The following VASP variants were observed in gnomAD, a reference collection of about 807,000 sequenced individuals.
VASP encodes the protein vasodilator-stimulated phosphoprotein.
In VASP, 27 loss-of-function variants were observed where a neutral mutation model predicts 54.4. The observed-to-expected ratio is 0.50, with a 90% CI of 0.37 to 0.68. VASP has a LOEUF of 0.68. VASP is among the 30% of genes least tolerant of loss of function. The probability of loss-of-function intolerance (pLI) is 0.00; values close to 1 mark genes in which losing one functional copy is unlikely to be tolerated. For missense variants in VASP, 488 were observed against 528.3 expected, an observed-to-expected ratio of 0.92 and a Z score of 0.75; for synonymous variants, 233 against 209.8, an observed-to-expected ratio of 1.11 and a Z score of -0.96.
chr19:45,510,632 G>C (rs1968582542), intron 1 of VASP, among the ~76,000 whole-genome samples: 1 of 152,098 alleles, frequency 6.6e-6, no homozygotes, highest in African/African-American at 2.4e-5. Flanking sequence ...TAGGCAAGGT[G>C]CCTATTAAAC....
At chr19:45,513,246 G>A (rs1434073980) in intron 1 of VASP, among the ~76,000 whole-genome samples, 1 of 106,854 alleles carries the variant, frequency 9.4e-6, no homozygotes, top group African/African-American at 3.8e-5. Flanking sequence ...CTTTTTTTGT[G>A]AGGGAGTCTT....
intron 1 of VASP, among the ~76,000 whole-genome samples, chr19:45,514,345 CAAG>C (rs752760673): frequency 2.2e-3 from 330 of 152,152 alleles, no homozygotes; most frequent in African/African-American, 7.7e-3. Flanking sequence ...CTGGAGCCTT[CAAG>C]AAGAAGAAGA....
rs753878246 is a variant in VASP, at chr19:45,507,683, C to G, written c.-89C>G. On this transcript the variant is annotated 5_prime_UTR_variant, in exon 1 of 13. Transcript: ENST00000245932. The surrounding 1 kb of genome is among the most constrained non-coding windows in gnomAD (Gnocchi z 4.4). ...ACCCTGGGGGAGCCTGAGCCGAGCC[C>G]GGAGCCAGCCCCGAACCCCTGAACC... The G allele has an allele frequency of 3.1e-4, 465 of 1,490,008 alleles. 4 individuals are homozygous for G. The Middle Eastern group carries it at 6.9e-3, about 22-fold the overall frequency. The allele number at this position is 1,490,008 out of a possible 1,614,324, so 92.3% of individuals were successfully genotyped here.
chr19:45,522,176 C>A lies in VASP; in HGVS notation c.437C>A (p.Pro146His). The change falls in exon 5 of 13, where the codon CCC becomes CAC. Residue 146 changes from proline to histidine, a missense_variant. Pro to His is a moderately conservative substitution (Grantham distance 77). Around this residue, in one of 4 missense-constraint regions of VASP, gnomAD observed 226 missense variants for 196.0 expected, o/e 1.15. Transcript: ENST00000245932. The part of the protein sequence containing the change: ...EEVEQQKRQQ[P>H]GPSEHIERRV... The stretch of plus-strand genomic sequence containing the variant: ...CTCGCCTCCCCCCACAGGCAGCAGC[C>A]CGGCCCGTCGGAGCACATAGAGCGC... 1 of 1,613,982 alleles carries A rather than the reference C, an allele frequency of 6.2e-7. No individual in the cohort carries two copies. Among genetic ancestry groups the A allele is most frequent in the East Asian group, 2.2e-5 (1 of 44,884 alleles).
chr19:45,514,360 A>G (rs1968659712), intron 1 of VASP, among the ~76,000 whole-genome samples: 1 of 151,366 alleles, frequency 6.6e-6, no homozygotes, highest in Non-Finnish European at 1.5e-5. Flanking sequence ...AGAAGAAGAG[A>G]CATCCCACCT....
rs752480253 is a variant in VASP at position 45,522,413 on chromosome 19, A to T, written c.552A>T (p.Pro184=). The stretch of plus-strand genomic sequence containing the variant: ...CTCCCCCTCCTCCAGGTCCCCCCCC[A>T]CCCCCAGGTTTGCCCCCTTCGGGGG... ...PGPPPPPGPP[P]PPGLPPSGVP... is the part of the protein sequence containing the mutation. Residue 184 remains proline (P), a synonymous_variant, in exon 6 of 13, where the codon CCA becomes CCT. Transcript: ENST00000245932. 8.3e-6 allele frequency: 11 copies of T among 1,324,292 alleles called. No homozygotes were observed. In the African/African-American group the frequency reaches 1.6e-4, roughly 19 times the overall value. 82.0% of individuals were successfully genotyped at this position (1,324,292 alleles called of 1,614,324 possible).
intron 3 of VASP, 57 bp downstream of exon 3, chr19:45,518,151 T>C: frequency 6.3e-7 from 1 of 1,575,370 alleles, no homozygotes; most frequent in Non-Finnish European, 8.6e-7. Flanking sequence ...GGCCTGGGGC[T>C]GCCGCTTTAC....
At chr19:45,512,069 G>C (rs1209864897) in intron 1 of VASP, among the ~76,000 whole-genome samples, 1 of 152,110 alleles carries the variant, frequency 6.6e-6, no homozygotes, top group Non-Finnish European at 1.5e-5. Flanking sequence ...AGAATTGCTT[G>C]AACCTGGGAG....
intron 1 of VASP, among the ~76,000 whole-genome samples, chr19:45,508,478 A>G (rs1451735464): frequency 1.3e-5 from 2 of 152,134 alleles, no homozygotes; most frequent in East Asian, 1.9e-4. Context: ...CGCTCGGAGC[A>G]GAGGGCGGCT....
Position 45,522,481 on chromosome 19 carries a change from C to T in VASP, c.620C>T (p.Ala207Val). Residue 207 changes from alanine (A) to valine (V), a missense_variant, in exon 6 of 13, where the codon GCA (alanine) becomes GTA (valine). Transcript: ENST00000245932. ...GGAGCAGGGGGAGGACCACCCCCTG[C>T]ACCCCCTCTCCCGGCAGCACAGGGC... ...AHGAGGGPPP[A>V]PPLPAAQGPG... The T allele has an allele frequency of 1.4e-6, 2 of 1,472,918 alleles. No homozygotes were observed. Among genetic ancestry groups the T allele is most frequent in the Non-Finnish European group, 1.8e-6 (2 of 1,114,794 alleles). The allele number at this position is 1,472,918 out of a possible 1,614,324, so 91.2% of individuals were successfully genotyped here.
chr19:45,512,676 T>C (rs1210225435), intron 1 of VASP, among the ~76,000 whole-genome samples: 1 of 152,090 alleles, frequency 6.6e-6, no homozygotes, highest in East Asian at 1.9e-4. Flanking sequence ...CTTGGCTCAC[T>C]GCAACCTCCG....
rs1043726930 is a variant in VASP, at chr19:45,517,614, C to A, written c.6-49C>A. ...GTCCCTTGGAATCTCCCAGGAGAGA[C>A]CCAGATAAGAAGGTGACCGGCCCCT... On this transcript the variant is annotated intron_variant, in intron 1 of 12. Transcript: ENST00000245932. 3.2e-6 allele frequency: 5 copies of A among 1,580,040 alleles called. No homozygotes were observed. The South Asian group carries it at 4.6e-5, about 15-fold the overall frequency.
chr19:45,526,123 T>C lies in VASP; in HGVS notation c.1106-17T>C. 1 of 1,613,870 alleles carries C rather than the reference T, an allele frequency of 6.2e-7. No homozygotes were observed. Among genetic ancestry groups the C allele is most frequent in the East Asian group, 2.2e-5 (1 of 44,834 alleles). Reference sequence around the variant, plus strand: ...CAGAGACTCTGCCCCTGACCTCTGCTCCTTGTTTCCTTCCAGCCTTCGTCC... The same window carrying C: ...CAGAGACTCTGCCCCTGACCTCTGCCCCTTGTTTCCTTCCAGCCTTCGTCC... On this transcript the variant is annotated splice_polypyrimidine_tract_variant and intron_variant, in intron 12 of 12. Coordinates refer to ENST00000245932, the MANE Select transcript of VASP (RefSeq NM_003370.4).
At position 45,523,845 on chromosome 19, in the gene VASP, A is replaced by T; in HGVS notation, c.878A>T (p.Glu293Val). ...KTPKDESANQEEPEARVPAQS... is the reference protein window; with the variant it reads ...KTPKDESANQVEPEARVPAQS... Reference sequence around the variant, plus strand: ...GGCAGTTTTATTTCCTACCAGCAGGAGGAGCCAGAGGCCAGAGTCCCGGCC... The same window carrying T: ...GGCAGTTTTATTTCCTACCAGCAGGTGGAGCCAGAGGCCAGAGTCCCGGCC... The change falls in exon 9 of 13, where the codon GAG (glutamate) becomes GTG (valine). Residue 293 changes from glutamate (E) to valine (V), a missense_variant. Glu to Val is a moderately radical substitution (Grantham distance 121, BLOSUM62 -2). Transcript: ENST00000245932. 2 of 1,614,040 alleles carry T rather than the reference A, an allele frequency of 1.2e-6. No homozygotes were observed. The highest frequency in any genetic ancestry group is 1.7e-6 in the Non-Finnish European group (2 of 1,180,002).
intron 1 of VASP, among the ~76,000 whole-genome samples, chr19:45,508,362 C>A (rs538188554): frequency 6.6e-6 from 1 of 152,280 alleles, no homozygotes; most frequent in South Asian, 2.1e-4. Flanking sequence ...CTGGTGTGAA[C>A]CGATCCAGGG....
At chr19:45,508,457 G>A (rs1183853941) in intron 1 of VASP, among the ~76,000 whole-genome samples, 1 of 151,988 alleles carries the variant, frequency 6.6e-6, no homozygotes, top group Non-Finnish European at 1.5e-5. Flanking sequence ...CCGTGCCTAG[G>A]ACCGAGCGGG....
Position 45,526,372 on chromosome 19 carries a change from G to T in VASP, c.*195G>T, listed in dbSNP as rs987203015. The T allele has an allele frequency of 3.2e-6, 2 of 628,302 alleles. No homozygotes were observed. The highest frequency in any genetic ancestry group is 5.1e-6 in the Non-Finnish European group (2 of 389,332). 38.9% of individuals were successfully genotyped at this position (628,302 alleles called of 1,614,324 possible). ...CCCACACTGGCTGCTGATTGGCTGG[G>T]GAGGCCCCCGCCCTTTTCTCCCTTT... On this transcript the variant is annotated 3_prime_UTR_variant, in exon 13 of 13. Transcript: ENST00000245932.
In VASP at chr19:45,523,935, C is replaced by T. The variant is rs117777007; in HGVS notation, c.910+58C>T. On this transcript the variant is annotated intron_variant, in intron 9 of 12. Coordinates refer to ENST00000245932, the MANE Select transcript of VASP (RefSeq NM_003370.4). The stretch of plus-strand genomic sequence containing the variant: ...TACAAATCCCAGAATACTCTGTTCT[C>T]ACATGTTAAGCACCCTTATAGGAGA... The T allele has an allele frequency of 4.1e-3, 6,667 of 1,611,666 alleles. 18 individuals carry two copies. Among genetic ancestry groups the T allele is most frequent in the Middle Eastern group, 9.1e-3 (55 of 6,058 alleles).
intron 9 of VASP, 28 bp from the exon 10 acceptor site, chr19:45,524,069 A>C: frequency 1.2e-6 from 2 of 1,613,858 alleles, no homozygotes; most frequent in Non-Finnish European, 1.7e-6. Flanking sequence ...TTTGTCCCTG[A>C]TCTTTCTGAT....
Sources: allele counts gnomAD v4.1 joint callset (sites outside exome capture counted in the v4.1 genomes callset), GRCh38; gene constraint gnomAD v4.1.1; regional missense constraint gnomAD v4.1.1; non-coding constraint Gnocchi (gnomAD v3.1); transcripts MANE v1.5; gene names NCBI Gene and HGNC (gene_info 2026-07-23, HGNC 2026-07-21).